Variants in WAPL observed in about 807,000 individuals in gnomAD.
WAPL encodes the protein WAPL cohesin release factor.
Under a neutral mutation model 121.0 loss-of-function variants are expected in WAPL, and 5 were observed. The ratio of observed to expected loss-of-function variants is 0.04; its 90% confidence interval spans 0.02 to 0.09. The LOEUF (loss-of-function observed/expected upper bound fraction) is 0.09, where lower values mean the gene tolerates loss of function less well. Ranked by LOEUF, WAPL falls within the 10% of genes least tolerant of loss-of-function variation. The probability of loss-of-function intolerance (pLI) is 1.00; values close to 1 mark genes in which losing one functional copy is unlikely to be tolerated. For missense variants in WAPL, 999 were observed against 1,410.8 expected (o/e 0.71, Z 4.68); for synonymous variants, 480 against 481.5 (o/e 1.00, Z 0.04).
At chr10:86,520,094 G>A (rs1842643497) in intron 1 of WAPL, among the ~76,000 whole-genome samples, 1 of 152,216 alleles carries the variant, frequency 6.6e-6, no homozygotes, top group Non-Finnish European at 1.5e-5. Context: ...CCAGGAGTTC[G>A]AGACCAGCCT....
chr10:86,441,725 G>T (rs564113355), intron 17 of WAPL, among the ~76,000 whole-genome samples: 1 of 152,198 alleles, frequency 6.6e-6, no homozygotes, highest in Non-Finnish European at 1.5e-5. Flanking sequence ...AAATGGGGTG[G>T]GCACTGTGGC....
intron 2 of WAPL, among the ~76,000 whole-genome samples, chr10:86,507,531 T>A (rs1341707756): frequency 1.3e-5 from 2 of 152,060 alleles, no homozygotes; most frequent in Non-Finnish European, 2.9e-5. Flanking sequence ...TACTCCTCCA[T>A]CCCAATTTTG....
intron 4 of WAPL, among the ~76,000 whole-genome samples, chr10:86,487,894 C>G (rs1841960120): frequency 6.6e-6 from 1 of 152,016 alleles, no homozygotes. Context: ...GACTCTGTCT[C>G]AAAACAAACA....
intron 2 of WAPL, among the ~76,000 whole-genome samples, chr10:86,509,091 ACT>A (rs1842407559): frequency 6.6e-6 from 1 of 151,214 alleles, no homozygotes; most frequent in Non-Finnish European, 1.5e-5. Context: ...TTCCTCTTAC[ACT>A]CTCTTTAATG....
At chr10:86,496,978 A>G (rs2132218266) in intron 4 of WAPL, among the ~76,000 whole-genome samples, 1 of 152,328 alleles carries the variant, frequency 6.6e-6, no homozygotes, top group East Asian at 1.9e-4. Context: ...GTTACATAAC[A>G]CCGTGAAAGT....
At chr10:86,513,735 C>T (rs916739037) in intron 2 of WAPL, among the ~76,000 whole-genome samples, 1 of 152,156 alleles carries the variant, frequency 6.6e-6, no homozygotes, top group South Asian at 2.1e-4. Context: ...AATGCCAGGA[C>T]AAATGACATA....
At chr10:86,443,723 A>C in intron 16 of WAPL, 1 of 190,334 alleles carries the variant, frequency 5.3e-6, no homozygotes, top group Non-Finnish European at 1.1e-5. Flanking sequence ...AAACAACCCA[A>C]TTAAAACTGG....
At position 86,510,836 on chromosome 10, in the gene WAPL, CTTGTT is replaced by C. The variant is rs547273758; in HGVS notation, c.499+6730_499+6734del. ...TATTAAAAATAGTTTGGTCATCATT[CTTGTT>C]TTGTTTTGTTTTTGAGATGGTATCT... On this transcript the variant is annotated intron_variant, in intron 2 of 18. Coordinates refer to ENST00000298767, the MANE Select transcript of WAPL (RefSeq NM_015045.5). 9.9e-5 allele frequency among the ~76,000 whole-genome samples: 15 copies of C among 152,138 alleles called. No individual in the cohort carries two copies. In the East Asian group the frequency reaches 1.9e-3, roughly 20 times the overall value.
chr10:86,511,890 GC>G (rs1402906247), intron 2 of WAPL, among the ~76,000 whole-genome samples: 1 of 152,058 alleles, frequency 6.6e-6, no homozygotes, highest in Non-Finnish European at 1.5e-5. Context: ...ATGCACTCCA[GC>G]CTGGATGAGA....
rs758239381 is a variant in WAPL at position 86,521,763 on chromosome 10, C to T, written c.-421G>A. 2.2e-6 allele frequency: 1 copy of T among 445,768 alleles called. No individual in the cohort carries two copies. The highest frequency in any genetic ancestry group is 4.6e-6 in the Non-Finnish European group (1 of 216,464). The allele number at this position is 445,768 out of a possible 1,614,324, so 27.6% of individuals were successfully genotyped here. On this transcript the variant is annotated 5_prime_UTR_variant, in exon 1 of 19. Coordinates refer to ENST00000298767, the MANE Select transcript of WAPL (RefSeq NM_015045.5). ...CCATTTGCGCTCCCGGCCCCCACCT[C>T]CTTCCTCCAACAGCCGCTCGCTCCG...
At position 86,507,991 on chromosome 10, in the gene WAPL, A is replaced by C. The variant is rs188334712; in HGVS notation, c.500-7248T>G. Among the ~76,000 whole-genome samples, 19 of 152,256 alleles carry C rather than the reference A, an allele frequency of 1.2e-4. No individual in the cohort carries two copies. In the East Asian group the frequency reaches 3.7e-3, roughly 29 times the overall value. The stretch of plus-strand genomic sequence containing the variant: ...AATGTCTATTGAGGACAATTCTAAT[A>C]ATCTTATCCAATATTCTGTATTCTG... On this transcript the variant is annotated intron_variant, in intron 2 of 18. Coordinates refer to ENST00000298767, the MANE Select transcript of WAPL (RefSeq NM_015045.5).
chr10:86,438,538 G>A (rs1398694181), intron 17 of WAPL, among the ~76,000 whole-genome samples: 1 of 152,230 alleles, frequency 6.6e-6, no homozygotes, highest in Non-Finnish European at 1.5e-5. Context: ...ACAGGTGTGA[G>A]GCAGCATGCC....
In WAPL at chr10:86,459,228, A is replaced by C. The variant is rs1479272663; in HGVS notation, c.2581-163T>G. 2.0e-5 allele frequency among the ~76,000 whole-genome samples: 3 copies of C among 152,230 alleles called. No individual in the cohort carries two copies. The East Asian group carries it at 5.8e-4, about 29-fold the overall frequency. ...AACCTACAGGTTCCAGGTGTAAAAT[A>C]AGAAAGCTAATGCTTTATGAAAAAA... On this transcript the variant is annotated intron_variant, in intron 11 of 18. Coordinates refer to ENST00000298767, the MANE Select transcript of WAPL (RefSeq NM_015045.5).
At chr10:86,463,030 T>G (rs1442856937) in intron 9 of WAPL, among the ~76,000 whole-genome samples, 5 of 152,250 alleles carry the variant, frequency 3.3e-5, no homozygotes, top group Non-Finnish European at 7.3e-5. Context: ...CTATAGTCAG[T>G]ATACTATAAG....
chr10:86,446,502 CAT>C, intron 15 of WAPL, 53 bp from the exon 16 acceptor site: 1 of 1,524,180 alleles, frequency 6.6e-7, no homozygotes, highest in Non-Finnish European at 8.9e-7. Context: ...AATCAATATG[CAT>C]ATATGCAAAT....
At chr10:86,487,376 G>A (rs1841948623) in intron 4 of WAPL, among the ~76,000 whole-genome samples, 1 of 152,164 alleles carries the variant, frequency 6.6e-6, no homozygotes, top group African/African-American at 2.4e-5. Flanking sequence ...ACAATAGGTA[G>A]TTAAATCCAG....
intron 4 of WAPL, among the ~76,000 whole-genome samples, chr10:86,477,189 G>A (rs886259093): frequency 1.3e-5 from 2 of 152,166 alleles, no homozygotes; most frequent in African/African-American, 4.8e-5. Context: ...ATATGGCAGG[G>A]AGAGGAAGAA....
chr10:86,516,900 C>G (rs1474432542), intron 2 of WAPL, among the ~76,000 whole-genome samples: 1 of 152,114 alleles, frequency 6.6e-6, no homozygotes, highest in African/African-American at 2.4e-5. Flanking sequence ...CTGGCTAACA[C>G]AGTGAAACCC....
chr10:86,438,793 T>A (rs1179413879), intron 17 of WAPL, among the ~76,000 whole-genome samples: 2 of 152,184 alleles, frequency 1.3e-5, no homozygotes, highest in Non-Finnish European at 2.9e-5. Context: ...CCAAAGGCAA[T>A]CTAACCTCAT....
Sources: allele counts gnomAD v4.1 joint callset (sites outside exome capture counted in the v4.1 genomes callset), GRCh38; gene constraint gnomAD v4.1.1; transcripts MANE v1.5; gene names NCBI Gene and HGNC (gene_info 2026-07-23, HGNC 2026-07-21).